EP400: variants seen among roughly 807,000 people sequenced by gnomAD.
EP400 encodes the protein E1A binding protein p400.
EP400 carries 105 observed loss-of-function variants against 354.1 expected under a neutral mutation model. The ratio of observed to expected loss-of-function variants is 0.30; its 90% CI spans 0.25 to 0.35. EP400 has a LOEUF of 0.35. Among genes scored for constraint, EP400 ranks in the 10% least tolerant of loss-of-function variants. The probability of loss-of-function intolerance (pLI) is 1.00; values close to 1 mark genes in which losing one functional copy is unlikely to be tolerated. For missense variants in EP400, 3,280 were observed against 4,121.0 expected (o/e 0.80, Z 5.59); for synonymous variants, 1,646 against 1,716.9 (o/e 0.96, Z 1.02).
chr12:132,064,380 G>A (rs1895816878), intron 47 of EP400, among the ~76,000 whole-genome samples: 1 of 152,190 alleles, frequency 6.6e-6, no homozygotes, highest in South Asian at 2.1e-4. Flanking sequence ...TTTGGTTGGT[G>A]CTACAGATTT....
At chr12:132,023,972 CA>C (rs781677276) in intron 24 of EP400, 31 bp downstream of exon 24, 58 of 1,524,546 alleles carry the variant, frequency 3.8e-5, no homozygotes, top group Admixed American at 2.5e-4. Flanking sequence ...GCACTGATGC[CA>C]AAAATGACAA....
At chr12:132,049,792 A>C (rs1042609380) in intron 39 of EP400, among the ~76,000 whole-genome samples, 2 of 152,206 alleles carry the variant, frequency 1.3e-5, no homozygotes, top group African/African-American at 4.8e-5. Context: ...CATAGCCCAC[A>C]ATTGAGTGGC....
intron 2 of EP400, among the ~76,000 whole-genome samples, chr12:131,974,242 G>A (rs1892392361): frequency 6.6e-6 from 1 of 151,974 alleles, no homozygotes; most frequent in South Asian, 2.1e-4. Flanking sequence ...GCCTCCCAAA[G>A]TGCTGGGATT....
chr12:131,968,815 G>C (rs56246441), intron 2 of EP400, among the ~76,000 whole-genome samples: 19,470 of 151,968 alleles, frequency 0.13, 2,571 homozygotes, highest in African/African-American at 0.34. Context: ...TTCCAATTTT[G>C]GGGGGTATTA....
At chr12:132,039,007 GAA>G (rs1240781439) in intron 32 of EP400, among the ~76,000 whole-genome samples, 1 of 151,974 alleles carries the variant, frequency 6.6e-6, no homozygotes, top group Non-Finnish European at 1.5e-5. Context: ...TCTTTTCTGT[GAA>G]AGTGTTAAAG....
At chr12:132,069,731 C>T in intron 51 of EP400, 90 bp downstream of exon 51, 1 of 1,556,168 alleles carries the variant, frequency 6.4e-7, no homozygotes. Flanking sequence ...GAGCTCCCAG[C>T]CCTTGCGGCT....
chr12:131,982,260 C>T lies in EP400; in HGVS notation c.1711C>T (p.Leu571Phe), dbSNP rs1403799582. The change falls in exon 5 of 53, where the codon CTC (leucine) becomes TTC (phenylalanine). Residue 571 changes from leucine (L) to phenylalanine (F), a missense_variant. By Grantham distance (22) the Leu-to-Phe change is conservative (BLOSUM62 0). This residue lies in a region of EP400 where 800 missense variants were observed against 840.0 expected (regional missense o/e 0.95). Transcript: ENST00000389561. ...LPPAGVPTAALSSALQFAQQP... is the reference protein window; with the variant it reads ...LPPAGVPTAAFSSALQFAQQP... ...CCCAGCCGGTGTTCCCACTGCAGCC[C>T]TCTCCTCTGCGCTGCAGTTTGCACA... is the stretch of plus-strand genomic sequence containing the variant. The T allele has an allele frequency of 1.9e-6, 3 of 1,614,200 alleles. No homozygotes were observed. In the East Asian group the frequency reaches 6.7e-5, roughly 36 times the overall value.
chr12:131,970,627 G>A (rs1892256706), intron 2 of EP400, among the ~76,000 whole-genome samples: 1 of 152,252 alleles, frequency 6.6e-6, no homozygotes, highest in South Asian at 2.1e-4. Context: ...AGAGAGCCCT[G>A]CCATCGTGCA....
intron 30 of EP400, among the ~76,000 whole-genome samples, chr12:132,036,350 A>G (rs1032599600): frequency 3.3e-5 from 5 of 150,786 alleles, no homozygotes; most frequent in Admixed American, 6.6e-5. Flanking sequence ...GGGCACACAC[A>G]GGTTCACATG....
intron 37 of EP400, 147 bp from the exon 38 acceptor site, chr12:132,045,172 G>T: frequency 1.5e-6 from 2 of 1,374,522 alleles, no homozygotes; most frequent in Non-Finnish European, 1.9e-6. Flanking sequence ...ATGAAGGCCC[G>T]AAAGCAGGTC....
Position 132,050,854 on chromosome 12 carries a change from G to T in EP400, c.7394+199G>T. ...GTATGCATAGGACGGCCCCTGCCCT[G>T]TCTCTGTGTTACAGGGATTGTCCTT... On this transcript the variant is annotated intron_variant, in intron 41 of 52. Transcript: ENST00000389561. The surrounding 1 kb of genome is among the most constrained non-coding windows in gnomAD (Gnocchi z 4.8). 1.6e-6 allele frequency: 1 copy of T among 627,336 alleles called. No individual in the cohort carries two copies. The highest frequency in any genetic ancestry group is 1.9e-5 in the South Asian group (1 of 52,696). 38.9% of individuals were successfully genotyped at this position (627,336 alleles called of 1,614,324 possible).
At chr12:132,001,751 G>A (rs1251429512) in intron 12 of EP400, among the ~76,000 whole-genome samples, 3 of 152,152 alleles carry the variant, frequency 2.0e-5, no homozygotes, top group Non-Finnish European at 2.9e-5. Context: ...CAGAAGGCTC[G>A]CACTCTTGTC....
rs766337527 is a variant in EP400 at position 132,013,066 on chromosome 12, C to T, written c.3499C>T (p.Arg1167Trp). The change falls in exon 17 of 53, where the codon CGG (arginine) becomes TGG (tryptophan). Residue 1167 changes from arginine (R) to tryptophan (W), a missense_variant. Physicochemically the swap from Arg to Trp is moderately radical, Grantham distance 101. Around this residue, in one of 20 missense-constraint regions of EP400, gnomAD observed 242 missense variants for 357.9 expected, o/e 0.68. Transcript: ENST00000389561. This position sits in a 1 kb window ranked among gnomAD's most constrained non-coding sequence, Gnocchi z 4.5. ...CATCACGTCCTACACTCAGTTCTTC[C>T]GGGGCCTCACCGCCTTCACACGAGT... ...VCITSYTQFF[R>W]GLTAFTRVRW... 3.7e-5 allele frequency: 59 copies of T among 1,613,892 alleles called. No homozygotes were observed. In the East Asian group the frequency reaches 6.0e-4, roughly 16 times the overall value.
rs140367312 is a variant in EP400, at chr12:132,064,719, C to T, written c.8386C>T (p.Pro2796Ser). The T allele has an allele frequency of 3.4e-3, 5,532 of 1,613,616 alleles. 15 individuals carry two copies. The highest frequency in any genetic ancestry group is 4.1e-3 in the Non-Finnish European group (4,835 of 1,179,810). ...KQKLQMPPQPPPPQAQSAPPQ... is the reference protein window; with the variant it reads ...KQKLQMPPQPSPPQAQSAPPQ... The stretch of plus-strand genomic sequence containing the variant: ...GAAACTGCAGATGCCCCCGCAGCCC[C>T]CACCGCCACAGGCCCAGTCTGCGCC... The change falls in exon 48 of 53, where the codon CCA (proline) becomes TCA (serine). Residue 2796 changes from proline to serine, a missense_variant. Coordinates refer to ENST00000389561, the MANE Select transcript of EP400 (RefSeq NM_015409.5).
chr12:132,036,139 A>G (rs1296304170), intron 30 of EP400, among the ~76,000 whole-genome samples: 2 of 148,036 alleles, frequency 1.4e-5, no homozygotes, highest in Non-Finnish European at 3.0e-5. Flanking sequence ...ATTGTGGAAC[A>G]CACCCAGGTT....
At chr12:132,015,459 C>T (rs1437387584) in intron 19 of EP400, among the ~76,000 whole-genome samples, 3 of 152,192 alleles carry the variant, frequency 2.0e-5, no homozygotes, top group Non-Finnish European at 2.9e-5. Context: ...AGGTTTTGAG[C>T]GCCAGCCTAT....
intron 12 of EP400, among the ~76,000 whole-genome samples, chr12:131,996,999 A>C (rs1893237154): frequency 6.6e-6 from 1 of 152,200 alleles, no homozygotes; most frequent in Admixed American, 6.5e-5. Flanking sequence ...GTTGTCAATA[A>C]GTTCCTGGAA....
chr12:131,986,240 A>G (rs937162830), intron 5 of EP400, among the ~76,000 whole-genome samples: 3 of 152,130 alleles, frequency 2.0e-5, no homozygotes, highest in African/African-American at 7.2e-5. Flanking sequence ...CAGCCTCCCA[A>G]AGTGTTGGGA....
At chr12:132,007,267 C>G (rs539186466) in intron 15 of EP400, among the ~76,000 whole-genome samples, 1 of 152,334 alleles carries the variant, frequency 6.6e-6, no homozygotes, top group East Asian at 1.9e-4. Flanking sequence ...CATCTTGGCT[C>G]ACTGTATCCT....
Sources: allele counts gnomAD v4.1 joint callset (sites outside exome capture counted in the v4.1 genomes callset), GRCh38; gene constraint gnomAD v4.1.1; regional missense constraint gnomAD v4.1.1; non-coding constraint Gnocchi (gnomAD v3.1); transcripts MANE v1.5; gene names NCBI Gene and HGNC (gene_info 2026-07-23, HGNC 2026-07-21).